Variants in NUP160 observed in about 807,000 individuals in gnomAD.
NUP160 encodes the protein nucleoporin 160.
A neutral mutation model predicts 196.9 loss-of-function variants in NUP160; 94 were observed. That is an observed-to-expected ratio of 0.48 (90% CI 0.40 to 0.57). The LOEUF is 0.57. NUP160 is among the 20% of genes least tolerant of loss of function. The pLI is 0.00. For synonymous variants in NUP160, 605 were observed against 619.7 expected, an observed-to-expected ratio of 0.98 and a Z score of 0.35; for missense variants, 1,638 against 1,748.3, an observed-to-expected ratio of 0.94 and a Z score of 1.13.
At chr11:47,840,253 T>C in intron 3 of NUP160, 125 bp downstream of exon 3, 1 of 902,774 alleles carries the variant, frequency 1.1e-6, no homozygotes, top group Non-Finnish European at 1.8e-6. Context: ...GCTATCAAAG[T>C]ATGCTTGGTG....
rs770525228 is a variant in NUP160 at position 47,847,832 on chromosome 11, G to A, written c.314+16C>T. 1.0e-4 allele frequency: 158 copies of A among 1,584,314 alleles called. No homozygotes were observed. Among genetic ancestry groups the A allele is most frequent in the Non-Finnish European group, 1.3e-4 (152 of 1,152,874 alleles). ...ACCCTACCTTCCAGGGGAGTTTGGC[G>A]AACCACAACACTTACCAATGAATGA... On this transcript the variant is annotated intron_variant, in intron 2 of 35. Coordinates refer to ENST00000378460, the Ensembl canonical transcript of NUP160.
At chr11:47,802,279 A>G (rs2097674596) in intron 22 of NUP160, among the ~76,000 whole-genome samples, 1 of 152,074 alleles carries the variant, frequency 6.6e-6, no homozygotes, top group African/African-American at 2.4e-5. Flanking sequence ...AAAAACACAA[A>G]AATTAGCCGG....
exon 28 of NUP160, chr11:47,792,897 T>A (rs2097668691): frequency 6.2e-7 from 1 of 1,613,974 alleles, no homozygotes; most frequent in Admixed American, 1.7e-5. Flanking sequence ...CCCGGAGAGT[T>A]CGAACTTCTC....
At chr11:47,822,135 C>G in exon 8 of NUP160, 1 of 1,610,660 alleles carries the variant, frequency 6.2e-7, no homozygotes, top group Non-Finnish European at 8.5e-7. Context: ...AGCGATTACT[C>G]TCAGTGCTCA....
At chr11:47,781,205 A>AGACT (rs2097660612) in intron 34 of NUP160, among the ~76,000 whole-genome samples, 1 of 152,122 alleles carries the variant, frequency 6.6e-6, no homozygotes, top group South Asian at 2.1e-4. Flanking sequence ...CCTGGGCGAC[A>AGACT]GAGCGAGACT....
chr11:47,836,935 G>C, exon 6 of NUP160: 2 of 1,613,640 alleles, frequency 1.2e-6, no homozygotes, highest in Non-Finnish European at 1.7e-6. Context: ...AAGCAAAGAT[G>C]AAGGCATCAT....
At chr11:47,806,257 G>A (rs755683063) in exon 20 of NUP160, 25 of 1,613,386 alleles carry the variant, frequency 1.5e-5, no homozygotes, top group Non-Finnish European at 2.0e-5. Context: ...GAGATATAAT[G>A]TGTTTTCTTG....
At chr11:47,814,819 T>C (rs766141539) in intron 13 of NUP160, among the ~76,000 whole-genome samples, 3 of 152,182 alleles carry the variant, frequency 2.0e-5, no homozygotes, top group Non-Finnish European at 4.4e-5. Context: ...AAAAACTGTT[T>C]AGAGAAAGAA....
At chr11:47,836,687 T>A (rs1212507946) in intron 6 of NUP160, among the ~76,000 whole-genome samples, 200 bp downstream of exon 6, 1 of 152,166 alleles carries the variant, frequency 6.6e-6, no homozygotes, top group Non-Finnish European at 1.5e-5. Flanking sequence ...AGGTTGATAA[T>A]TTTTCCAAAT....
chr11:47,788,337 G>GC (rs1565187651), intron 30 of NUP160, 32 bp from the exon 31 acceptor site: 1 of 1,612,936 alleles, frequency 6.2e-7, no homozygotes, highest in Non-Finnish European at 8.5e-7. Context: ...ATTTCGTGTA[G>GC]CCAAGGTATA....
intron 7 of NUP160, among the ~76,000 whole-genome samples, chr11:47,833,922 T>C (rs1004825308): frequency 6.6e-6 from 1 of 152,250 alleles, no homozygotes; most frequent in Non-Finnish European, 1.5e-5. Context: ...GGCTTCAGAC[T>C]TCACTCCATG....
chr11:47,831,798 G>A (rs929653509), intron 7 of NUP160, among the ~76,000 whole-genome samples: 10 of 126,546 alleles, frequency 7.9e-5, no homozygotes. Flanking sequence ...AGCTGAGATC[G>A]CGCCACTGTA....
chr11:47,794,626 G>A (rs895174264), intron 27 of NUP160, among the ~76,000 whole-genome samples: 6 of 151,940 alleles, frequency 3.9e-5, no homozygotes, highest in African/African-American at 1.5e-4. Context: ...AAAATTAGGG[G>A]CTGGGTGTGG....
intron 4 of NUP160, chr11:47,839,619 C>T (rs1852254492): frequency 1.9e-6 from 1 of 515,314 alleles, no homozygotes; most frequent in African/African-American, 1.9e-5. Flanking sequence ...TTAGAATAGG[C>T]TGTCTTATAC....
chr11:47,815,006 G>C (rs1381644676), intron 13 of NUP160: 1 of 152,236 alleles, frequency 6.6e-6, no homozygotes, highest in Non-Finnish European at 1.5e-5. Flanking sequence ...TGAGGCGGGT[G>C]AATCACCTAA....
intron 20 of NUP160, among the ~76,000 whole-genome samples, chr11:47,805,221 C>T (rs1740287909): frequency 6.6e-6 from 1 of 152,012 alleles, no homozygotes; most frequent in Non-Finnish European, 1.5e-5. Context: ...CCTCTGCCTC[C>T]AAGGTTCAAG....
At chr11:47,801,287 C>T (rs1006673143) in intron 23 of NUP160, among the ~76,000 whole-genome samples, 10 of 152,206 alleles carry the variant, frequency 6.6e-5, no homozygotes, top group African/African-American at 2.4e-4. Flanking sequence ...TATTACATTT[C>T]ACCATTTAAC....
intron 35 of NUP160, 89 bp from the exon 36 acceptor site, chr11:47,779,283 A>C (rs2097659269): frequency 1.3e-6 from 1 of 771,154 alleles, no homozygotes; most frequent in African/African-American, 1.8e-5. Flanking sequence ...CACCAAGTAG[A>C]TTCCACCTTA....
chr11:47,827,946 T>G lies in NUP160; in HGVS notation c.1102-5782A>C, dbSNP rs544139987. 2.6e-5 allele frequency among the ~76,000 whole-genome samples: 4 copies of G among 152,338 alleles called. No homozygotes were observed. The East Asian group carries it at 7.7e-4, about 29-fold the overall frequency. ...AGTACAGTGAGGCAATCAGGAATAC[T>G]GCAGCCTCAACCATCCAGGCTCAAG... On this transcript the variant is annotated intron_variant, in intron 7 of 35. Coordinates refer to ENST00000378460, the Ensembl canonical transcript of NUP160.
Sources: allele counts gnomAD v4.1 joint callset (sites outside exome capture counted in the v4.1 genomes callset), GRCh38; gene constraint gnomAD v4.1.1; transcripts MANE v1.5; gene names NCBI Gene and HGNC (gene_info 2026-07-23, HGNC 2026-07-21).